FANCC: variants seen among roughly 807,000 people sequenced by gnomAD.
FANCC encodes FA complementation group C.
In FANCC, 55 loss-of-function variants were observed where a neutral mutation model predicts 71.3. That is an observed-to-expected ratio of 0.77 (90% confidence interval 0.62 to 0.97). The LOEUF (loss-of-function observed/expected upper bound fraction) is 0.97. Ranked by LOEUF, FANCC falls within the 50% of genes least tolerant of loss-of-function variation. FANCC has a pLI of 0.00. For synonymous variants in FANCC, 275 were observed against 244.9 expected (o/e 1.12, Z -1.15); for missense variants, 678 against 670.9 (o/e 1.01, Z -0.12).
chr9:95,292,055 T>C (rs568629926), intron 1 of FANCC, among the ~76,000 whole-genome samples: 1 of 145,498 alleles, frequency 6.9e-6, no homozygotes, highest in Non-Finnish European at 1.5e-5. Context: ...GCATCAATCT[T>C]ACCTGACTTC....
chr9:95,265,706 T>C (rs1244076501), intron 1 of FANCC, among the ~76,000 whole-genome samples: 1 of 152,208 alleles, frequency 6.6e-6, no homozygotes, highest in Non-Finnish European at 1.5e-5. Context: ...TGGCTCCAAG[T>C]TATTTCTGCC....
At chr9:95,213,038 T>G (rs1240192409) in intron 4 of FANCC, among the ~76,000 whole-genome samples, 1 of 152,244 alleles carries the variant, frequency 6.6e-6, no homozygotes, top group Non-Finnish European at 1.5e-5. Context: ...CACACTGAAT[T>G]TCAAAGATTT....
intron 4 of FANCC, among the ~76,000 whole-genome samples, chr9:95,231,290 G>A (rs1295595296): frequency 1.3e-5 from 2 of 152,146 alleles, no homozygotes; most frequent in African/African-American, 4.8e-5. Flanking sequence ...CTTTTTCAAT[G>A]GTGGTTGCAA....
intron 6 of FANCC, among the ~76,000 whole-genome samples, chr9:95,157,422 C>G (rs1830511532): frequency 6.6e-6 from 1 of 152,278 alleles, no homozygotes; most frequent in Middle Eastern, 3.4e-3. Context: ...TAAATTCTAT[C>G]CTATTCTTTG....
At chr9:95,218,135 T>A (rs1262896048) in intron 4 of FANCC, among the ~76,000 whole-genome samples, 1 of 152,126 alleles carries the variant, frequency 6.6e-6, no homozygotes, top group Admixed American at 6.5e-5. Context: ...GACCATAAAG[T>A]TTCACTAGTG....
At chr9:95,296,471 T>C (rs1488698347) in intron 1 of FANCC, among the ~76,000 whole-genome samples, 1 of 152,006 alleles carries the variant, frequency 6.6e-6, no homozygotes, top group Non-Finnish European at 1.5e-5. Flanking sequence ...TATTGATATG[T>C]TCCCATACCA....
chr9:95,267,848 A>C (rs1564811993), intron 1 of FANCC, among the ~76,000 whole-genome samples: 1 of 152,240 alleles, frequency 6.6e-6, no homozygotes, highest in Non-Finnish European at 1.5e-5. Context: ...AAAGTATGTA[A>C]ATCAGGACTA....
In FANCC at chr9:95,100,232, G is replaced by A. The variant is rs1044699461; in HGVS notation, c.*1475C>T. The A allele has an allele frequency of 5.8e-5, 13 of 224,884 alleles. No homozygotes were observed. Among genetic ancestry groups the A allele is most frequent in the African/African-American group, 7.9e-5 (3 of 37,998 alleles). 13.9% of individuals were successfully genotyped at this position (224,884 alleles called of 1,614,324 possible). A position where few individuals can be genotyped will look rare whatever the true frequency, so the allele number is the denominator to read the frequency against. On this transcript the variant is annotated 3_prime_UTR_variant, in exon 15 of 15. Coordinates refer to ENST00000289081, the MANE Select transcript of FANCC (RefSeq NM_000136.3). The stretch of plus-strand genomic sequence containing the variant: ...ATATGAAGGCAATGACCATGAGCAC[G>A]AAGCATGTTATATGAAGGCAATGAC...
At chr9:95,249,023 G>C in intron 2 of FANCC, 104 bp downstream of exon 2, 1 of 1,240,768 alleles carries the variant, frequency 8.1e-7, no homozygotes, top group Non-Finnish European at 1.2e-6. Flanking sequence ...CGGCACTTCA[G>C]TCAATACCAC....
At chr9:95,239,491 GCTAT>G (rs1482240897) in intron 4 of FANCC, among the ~76,000 whole-genome samples, 3 of 152,066 alleles carry the variant, frequency 2.0e-5, no homozygotes, top group Non-Finnish European at 2.9e-5. Flanking sequence ...GACTCAATGA[GCTAT>G]CTAATACAAA....
At chr9:95,107,438 A>C in intron 13 of FANCC, 169 bp from the exon 14 acceptor site, 21 of 693,542 alleles carry the variant, frequency 3.0e-5, no homozygotes, top group Non-Finnish European at 4.3e-5. Flanking sequence ...ACAAACCCAA[A>C]TGGGCGGAAT....
At chr9:95,181,845 A>G (rs1188097739) in intron 4 of FANCC, among the ~76,000 whole-genome samples, 1 of 152,266 alleles carries the variant, frequency 6.6e-6, no homozygotes, top group Non-Finnish European at 1.5e-5. Flanking sequence ...TGCTTAGATC[A>G]TGCGAGTGAA....
intron 1 of FANCC, among the ~76,000 whole-genome samples, chr9:95,277,361 G>T (rs1345659979): frequency 3.3e-5 from 5 of 152,102 alleles, no homozygotes; most frequent in African/African-American, 1.2e-4. Context: ...CTAGAAGTGA[G>T]GATTTTGAAA....
intron 1 of FANCC, among the ~76,000 whole-genome samples, chr9:95,272,032 G>C (rs570582178): frequency 7.0e-6 from 1 of 142,160 alleles, no homozygotes; most frequent in African/African-American, 2.6e-5. Flanking sequence ...AACCTCCCGG[G>C]TTCACGCCAT....
intron 1 of FANCC, among the ~76,000 whole-genome samples, chr9:95,273,043 T>C (rs1283714159): frequency 6.6e-6 from 1 of 152,188 alleles, no homozygotes; most frequent in Non-Finnish European, 1.5e-5. Context: ...GCACCTAGAC[T>C]AATATTCTAC....
Position 95,100,448 on chromosome 9 carries a change from C to A in FANCC, c.*1259G>T. The A allele has an allele frequency of 4.3e-6, 1 of 231,554 alleles. No individual in the cohort carries two copies. The highest frequency in any genetic ancestry group is 8.5e-6 in the Non-Finnish European group (1 of 116,996). 14.3% of individuals were successfully genotyped at this position (231,554 alleles called of 1,614,324 possible). The stretch of plus-strand genomic sequence containing the variant: ...CTAATCCAGCAAAACTTTGCTCATA[C>A]CTCAAAACGGAGCCAAGACTCAGAC... On this transcript the variant is annotated 3_prime_UTR_variant, in exon 15 of 15. Coordinates refer to ENST00000289081, the MANE Select transcript of FANCC (RefSeq NM_000136.3).
intron 1 of FANCC, among the ~76,000 whole-genome samples, chr9:95,258,965 T>C (rs1315715944): frequency 1.3e-5 from 2 of 152,006 alleles, no homozygotes; most frequent in Admixed American, 1.3e-4. Context: ...ATAAAATACC[T>C]AGGAATACAA....
intron 4 of FANCC, among the ~76,000 whole-genome samples, chr9:95,218,980 T>C (rs1015007372): frequency 6.6e-6 from 1 of 152,226 alleles, no homozygotes; most frequent in African/African-American, 2.4e-5. Context: ...TGCCCTAGCC[T>C]TTCCCTGGCA....
At chr9:95,250,814 C>T (rs149657624) in intron 1 of FANCC, among the ~76,000 whole-genome samples, 1 of 152,366 alleles carries the variant, frequency 6.6e-6, no homozygotes, top group African/African-American at 2.4e-5. Flanking sequence ...GCTGGGCCTG[C>T]CCGTCTCCAA....
Sources: gnomAD v4.1 joint callset for allele counts (sites outside exome capture counted in the v4.1 genomes callset) on GRCh38, gnomAD v4.1.1 for gene constraint, MANE v1.5 for transcripts, NCBI Gene and HGNC (gene_info 2026-07-23, HGNC 2026-07-21) for gene names.